The following PDE9A variants were observed in gnomAD, a reference collection of about 807,000 sequenced individuals.
PDE9A encodes high affinity cGMP-specific 3',5'-cyclic phosphodiesterase 9A.
PDE9A carries 60 observed loss-of-function variants against 87.4 expected under a neutral mutation model. The observed-to-expected ratio is 0.69, with a 90% CI of 0.56 to 0.85. The LOEUF is 0.85. PDE9A is among the 40% of genes least tolerant of loss of function. The pLI is 0.00. For missense variants in PDE9A, 665 were observed against 779.0 expected (o/e 0.85, Z 1.74); for synonymous variants, 272 against 279.4 (o/e 0.97, Z 0.27).
intron 14 of PDE9A, 123 bp downstream of exon 14, chr21:42,762,362 G>A (rs2055885782): frequency 9.9e-7 from 1 of 1,009,740 alleles, no homozygotes; most frequent in South Asian, 1.6e-5. Flanking sequence ...GGGGACCCAA[G>A]GGAACCCCTC....
intron 8 of PDE9A, among the ~76,000 whole-genome samples, chr21:42,744,974 A>G (rs2053687624): frequency 6.6e-6 from 1 of 152,194 alleles, no homozygotes; most frequent in African/African-American, 2.4e-5. Flanking sequence ...GATGTGGCTC[A>G]TGGTTCCCCA....
chr21:42,663,362 T>C (rs2057737170), intron 1 of PDE9A, among the ~76,000 whole-genome samples: 1 of 152,078 alleles, frequency 6.6e-6, no homozygotes, highest in Non-Finnish European at 1.5e-5. Flanking sequence ...AGTATGAAGA[T>C]GACAGAGAAG....
At chr21:42,717,921 G>GTTTGT (rs2050112755) in intron 4 of PDE9A, among the ~76,000 whole-genome samples, 1 of 146,926 alleles carries the variant, frequency 6.8e-6, no homozygotes, top group Non-Finnish European at 1.5e-5. Context: ...TTGTTTGTTT[G>GTTTGT]TTTTGTTTTG....
chr21:42,719,458 A>G (rs1297733303), intron 4 of PDE9A, among the ~76,000 whole-genome samples: 1 of 151,396 alleles, frequency 6.6e-6, no homozygotes, highest in East Asian at 1.9e-4. Flanking sequence ...AACATGGTGA[A>G]ATCCTGTCTC....
At chr21:42,684,135 G>A (rs1042225083) in intron 1 of PDE9A, among the ~76,000 whole-genome samples, 2 of 152,234 alleles carry the variant, frequency 1.3e-5, no homozygotes, top group African/African-American at 2.4e-5. Flanking sequence ...TCCCTCAGCC[G>A]GGGCCAGAAG....
rs868796194 is a variant in PDE9A, at chr21:42,751,114, A to G, written c.654-2A>G. 8 of 1,600,048 alleles carry G rather than the reference A, an allele frequency of 5.0e-6. No homozygotes were observed. Among genetic ancestry groups the G allele is most frequent in the Non-Finnish European group, 6.9e-6 (8 of 1,167,094 alleles). On this transcript the variant is annotated splice_acceptor_variant, in intron 8 of 19. Transcript: ENST00000291539. LOFTEE classifies it high-confidence loss of function. ...CAGCTCATCTCTGCTCCTTCTCTCT[A>G]GGACCAACTGCCCCTGTAAGTACAG...
At chr21:42,662,903 A>G (rs889922824) in intron 1 of PDE9A, among the ~76,000 whole-genome samples, 3 of 145,168 alleles carry the variant, frequency 2.1e-5, no homozygotes, top group Non-Finnish European at 3.0e-5. Flanking sequence ...AACACACCAC[A>G]CACACCATGC....
At chr21:42,740,428 G>A (rs9976235) in intron 7 of PDE9A, among the ~76,000 whole-genome samples, 56,508 of 150,388 alleles carry the variant, frequency 0.38, 11,805 homozygotes, top group African/African-American at 0.57. Context: ...TGGGTGACAG[G>A]GCAAGCCCCT....
rs147217731 is a variant in PDE9A at position 42,690,469 on chromosome 21, G to A, written c.218+2475G>A. Among the ~76,000 whole-genome samples, 14 of 152,180 alleles carry A rather than the reference G, an allele frequency of 9.2e-5. No individual in the cohort carries two copies. The East Asian group carries it at 2.7e-3, about 29-fold the overall frequency. ...TCAGATGCTCTATCTATGATCGTGG[G>A]TGTGGATATAGGCATAGACATGGTG... On this transcript the variant is annotated intron_variant, in intron 3 of 19. Coordinates refer to ENST00000291539, the MANE Select transcript of PDE9A (RefSeq NM_002606.3).
In PDE9A at chr21:42,759,190, G is replaced by A. The variant is rs982946107; in HGVS notation, c.897+105G>A. On this transcript the variant is annotated intron_variant, in intron 11 of 19. Coordinates refer to ENST00000291539, the MANE Select transcript of PDE9A (RefSeq NM_002606.3). The surrounding 1 kb of genome is among the most constrained non-coding windows in gnomAD (Gnocchi z 7.2). ...CAGGGCACCTTCCGGATGGCACTGC[G>A]CTCCCTGTGAGCAGAGGTGACATTT... The A allele has an allele frequency of 2.7e-5, 21 of 766,258 alleles. No individual in the cohort carries two copies. Among genetic ancestry groups the A allele is most frequent in the African/African-American group, 6.8e-5 (4 of 58,434 alleles). The allele number at this position is 766,258 out of a possible 1,614,324, so 47.5% of individuals were successfully genotyped here.
chr21:42,694,835 G>GC lies in PDE9A; in HGVS notation c.219-4127dup, dbSNP rs1283119433. Among the ~76,000 whole-genome samples, 2 of 152,102 alleles carry GC rather than the reference G, an allele frequency of 1.3e-5. No homozygotes were observed. Among genetic ancestry groups the GC allele is most frequent in the East Asian group, 3.9e-4 (2 of 5,184 alleles). On this transcript the variant is annotated intron_variant, in intron 3 of 19. Transcript: ENST00000291539. The surrounding 1 kb of genome is among the most constrained non-coding windows in gnomAD (Gnocchi z 5.3). ...CCTGTTGGCTACAGGACACTCTCCA[G>GC]CCCCCCGCATTGGGATGTCTGGCCC...
At chr21:42,670,506 C>T (rs1338049887) in intron 1 of PDE9A, among the ~76,000 whole-genome samples, 2 of 147,756 alleles carry the variant, frequency 1.4e-5, no homozygotes, top group African/African-American at 4.9e-5. Context: ...GCACTCACAC[C>T]TTCACACACA....
chr21:42,670,647 TCATTCACACACATACACACATACACATG>T (rs368671712), intron 1 of PDE9A, among the ~76,000 whole-genome samples: 2,416 of 150,714 alleles, frequency 0.016, 60 homozygotes, highest in African/African-American at 0.056. Flanking sequence ...TTACAAACTA[TCATTCACACACATACACACATACACATG>T]CATTCACACA....
intron 10 of PDE9A, chr21:42,756,902 A>AGT (rs2055121074): frequency 6.6e-6 from 1 of 152,436 alleles, no homozygotes; most frequent in South Asian, 2.1e-4. Flanking sequence ...AATGGCACCA[A>AGT]GTGTCTCTGT....
At chr21:42,719,657 A>G (rs911586731) in intron 4 of PDE9A, among the ~76,000 whole-genome samples, 8 of 146,922 alleles carry the variant, frequency 5.4e-5, no homozygotes, top group Non-Finnish European at 1.2e-4. Context: ...AAAAAAAAAA[A>G]AAAAGAAATA....
intron 4 of PDE9A, among the ~76,000 whole-genome samples, chr21:42,726,348 G>A (rs1457425789): frequency 1.3e-5 from 2 of 151,438 alleles, no homozygotes; most frequent in African/African-American, 2.4e-5. Context: ...TCTTTTTCTG[G>A]TTTGTGTTTT....
At chr21:42,770,152 A>G (rs992616981) in intron 17 of PDE9A, among the ~76,000 whole-genome samples, 2 of 150,478 alleles carry the variant, frequency 1.3e-5, no homozygotes, top group African/African-American at 4.9e-5. Context: ...CCTTGCACAC[A>G]GCTCGTTCCT....
intron 4 of PDE9A, among the ~76,000 whole-genome samples, chr21:42,706,975 C>CGTGTGG (rs2048893676): frequency 6.6e-6 from 1 of 152,112 alleles, no homozygotes; most frequent in African/African-American, 2.4e-5. Context: ...GTGGCTGCGT[C>CGTGTGG]CTGTGGCTGC....
rs1181917510 is a variant in PDE9A, at chr21:42,692,328, C to T, written c.218+4334C>T. On this transcript the variant is annotated intron_variant, in intron 3 of 19. Transcript: ENST00000291539. This position sits in a 1 kb window ranked among gnomAD's most constrained non-coding sequence, Gnocchi z 4.3. ...AGGGGTAAGGGCCTGCTACTTGTAT[C>T]TGATGGGTGGAGACCCGGGATGCCA... is the stretch of plus-strand genomic sequence containing the variant. Among the ~76,000 whole-genome samples the T allele has an allele frequency of 6.6e-6, 1 of 152,176 alleles. No individual in the cohort carries two copies.
Sources: gnomAD v4.1 joint callset for allele counts (sites outside exome capture counted in the v4.1 genomes callset) on GRCh38, gnomAD v4.1.1 for gene constraint, Gnocchi (gnomAD v3.1) non-coding constraint, MANE v1.5 for transcripts, NCBI Gene and HGNC (gene_info 2026-07-23, HGNC 2026-07-21) for gene names.